RNF150: variants seen among roughly 807,000 people sequenced by gnomAD.
RNF150 encodes the protein ring finger protein 150.
RNF150 carries 24 observed loss-of-function variants against 39.3 expected under a neutral mutation model. That is an observed-to-expected ratio of 0.61 (90% CI 0.44 to 0.86). The LOEUF (loss-of-function observed/expected upper bound fraction) is 0.86, where lower values mean the gene tolerates loss of function less well. RNF150 is among the 40% of genes least tolerant of loss of function. The pLI, the probability that RNF150 is intolerant of heterozygous loss-of-function variation, is 0.00. For missense variants in RNF150, 502 were observed against 587.8 expected (o/e 0.85, Z 1.51); for synonymous variants, 255 against 227.3 (o/e 1.12, Z -1.10).
intron 4 of RNF150, among the ~76,000 whole-genome samples, chr4:140,945,528 A>G (rs1158271963): frequency 1.3e-5 from 2 of 148,702 alleles, no homozygotes; most frequent in East Asian, 3.9e-4. Flanking sequence ...CTACATATAT[A>G]TACATATAAA....
chr4:141,206,172 C>A (rs1271985026), intron 1 of RNF150, among the ~76,000 whole-genome samples: 1 of 151,974 alleles, frequency 6.6e-6, no homozygotes, highest in East Asian at 1.9e-4. Flanking sequence ...ATAATCCTAG[C>A]ACTTTGGGAG....
rs992789172 is a variant in RNF150 at position 140,862,413 on chromosome 4, G to C, written c.*5848C>G. ...ATGAAGCACTCAAGGCAGGTGAAGAGAGATGTGACTGACCTTAGCAGGTTC... is the reference window on the plus strand; with the variant it reads ...ATGAAGCACTCAAGGCAGGTGAAGACAGATGTGACTGACCTTAGCAGGTTC... On this transcript the variant is annotated 3_prime_UTR_variant, in exon 7 of 7. Transcript: ENST00000515673. The C allele has an allele frequency of 2.6e-5, 4 of 152,342 alleles. No individual in the cohort carries two copies. Among genetic ancestry groups the C allele is most frequent in the Admixed American group, 6.5e-5 (1 of 15,308 alleles). The allele number at this position is 152,342 out of a possible 1,614,324, so 9.4% of individuals were successfully genotyped here.
intron 1 of RNF150, among the ~76,000 whole-genome samples, chr4:141,171,368 T>A (rs1387894192): frequency 6.6e-6 from 1 of 152,152 alleles, no homozygotes; most frequent in Non-Finnish European, 1.5e-5. Context: ...AATAGGGGAT[T>A]CTCTTTATTT....
intron 1 of RNF150, among the ~76,000 whole-genome samples, chr4:140,973,813 G>A (rs1733557800): frequency 6.7e-6 from 1 of 149,332 alleles, no homozygotes; most frequent in Non-Finnish European, 1.5e-5. Flanking sequence ...GGAGGCAGAG[G>A]TTGCAGTGAG....
At chr4:141,049,996 AAAATT>A (rs992680087) in intron 1 of RNF150, among the ~76,000 whole-genome samples, 1 of 152,104 alleles carries the variant, frequency 6.6e-6, no homozygotes, top group Non-Finnish European at 1.5e-5. Context: ...AAATTAATTT[AAAATT>A]TATAGATAAG....
chr4:141,010,730 C>T (rs1727699559), intron 1 of RNF150, among the ~76,000 whole-genome samples: 4 of 152,100 alleles, frequency 2.6e-5, no homozygotes, highest in African/African-American at 9.7e-5. Context: ...GCTAACAGCA[C>T]CCTTTGAGCT....
intron 1 of RNF150, among the ~76,000 whole-genome samples, chr4:141,095,052 A>G (rs1253172528): frequency 2.0e-5 from 3 of 152,242 alleles, no homozygotes; most frequent in African/African-American, 7.2e-5. Context: ...AGTTGAGGAC[A>G]TAGAGCAAAT....
At chr4:141,079,587 T>C (rs1033909993) in intron 1 of RNF150, among the ~76,000 whole-genome samples, 1 of 152,198 alleles carries the variant, frequency 6.6e-6, no homozygotes, top group African/African-American at 2.4e-5. Flanking sequence ...ACTGTAAAAC[T>C]GTGAGCAGCT....
chr4:140,935,336 T>G (rs1377442699), intron 4 of RNF150, among the ~76,000 whole-genome samples: 6 of 151,876 alleles, frequency 4.0e-5, no homozygotes, highest in Non-Finnish European at 5.9e-5. Flanking sequence ...TCCTTGGGTT[T>G]CTGGCAGAGG....
intron 6 of RNF150, among the ~76,000 whole-genome samples, 156 bp from the exon 7 acceptor site, chr4:140,868,535 C>G (rs1728805027): frequency 6.6e-6 from 1 of 152,142 alleles, no homozygotes; most frequent in Admixed American, 6.5e-5. Flanking sequence ...AAAGCCTCAT[C>G]TCACATGGGC....
At chr4:141,183,156 A>G (rs913337496) in intron 1 of RNF150, among the ~76,000 whole-genome samples, 1 of 151,770 alleles carries the variant, frequency 6.6e-6, no homozygotes, top group African/African-American at 2.4e-5. Flanking sequence ...GCAGTGGCTC[A>G]TTATGGTTAT....
intron 1 of RNF150, among the ~76,000 whole-genome samples, chr4:141,159,402 A>G (rs76098698): frequency 0.016 from 2,378 of 152,272 alleles, 60 homozygotes; most frequent in African/African-American, 0.054. Context: ...CAAACAATTT[A>G]AAATCTAAAA....
At chr4:141,079,879 A>G (rs1428497932) in intron 1 of RNF150, among the ~76,000 whole-genome samples, 8 of 152,180 alleles carry the variant, frequency 5.3e-5, no homozygotes, top group Non-Finnish European at 1.2e-4. Flanking sequence ...AACCCTCCTG[A>G]GGTTCAGTTC....
At chr4:141,067,641 T>C (rs1737514421) in intron 1 of RNF150, among the ~76,000 whole-genome samples, 1 of 152,196 alleles carries the variant, frequency 6.6e-6, no homozygotes, top group Non-Finnish European at 1.5e-5. Flanking sequence ...TGATCTACAT[T>C]GGTTTTCTCG....
intron 6 of RNF150, among the ~76,000 whole-genome samples, chr4:140,897,572 C>A (rs1730010255): frequency 6.6e-6 from 1 of 152,136 alleles, no homozygotes; most frequent in Non-Finnish European, 1.5e-5. Context: ...TCCAGCCCTG[C>A]CATTTACTCC....
At chr4:141,139,441 A>G (rs926985565) in intron 1 of RNF150, among the ~76,000 whole-genome samples, 1 of 152,196 alleles carries the variant, frequency 6.6e-6, no homozygotes, top group African/African-American at 2.4e-5. Flanking sequence ...CATAGAAATG[A>G]AAACATTTAG....
At chr4:141,108,178 G>T (rs966024868) in intron 1 of RNF150, among the ~76,000 whole-genome samples, 1 of 152,200 alleles carries the variant, frequency 6.6e-6, no homozygotes, top group Non-Finnish European at 1.5e-5. Flanking sequence ...TTCAGACTTA[G>T]AGGAGCACAT....
intron 4 of RNF150, among the ~76,000 whole-genome samples, chr4:140,932,299 T>C (rs950877434): frequency 2.6e-5 from 4 of 152,226 alleles, no homozygotes; most frequent in African/African-American, 9.6e-5. Flanking sequence ...GACATTAATG[T>C]CAGTAATTAA....
chr4:141,036,258 C>T (rs1186269391), intron 1 of RNF150, among the ~76,000 whole-genome samples: 1 of 151,952 alleles, frequency 6.6e-6, no homozygotes, highest in East Asian at 1.9e-4. Context: ...ATGTTTTGGG[C>T]CTATAATAGG....
Sources: allele counts gnomAD v4.1 joint callset (sites outside exome capture counted in the v4.1 genomes callset), GRCh38; gene constraint gnomAD v4.1.1; transcripts MANE v1.5; gene names NCBI Gene and HGNC (gene_info 2026-07-23, HGNC 2026-07-21).